The following ATXN7L1 variants were observed in gnomAD, a reference collection of about 807,000 sequenced individuals.
ATXN7L1 encodes the protein ataxin-7-like protein 1.
A neutral mutation model predicts 70.8 loss-of-function variants in ATXN7L1; 15 were observed. The ratio of observed to expected loss-of-function variants is 0.21; its 90% CI spans 0.14 to 0.33. The LOEUF is 0.33. Among genes scored for constraint, ATXN7L1 ranks in the 10% least tolerant of loss-of-function variants. ATXN7L1 has a pLI of 1.00. For synonymous variants in ATXN7L1, 440 were observed against 445.1 expected (o/e 0.99, Z 0.14); for missense variants, 975 against 1,097.1 (o/e 0.89, Z 1.57).
chr7:105,655,907 C>T (rs1474255817), intron 4 of ATXN7L1, among the ~76,000 whole-genome samples: 1 of 152,254 alleles, frequency 6.6e-6, no homozygotes, highest in African/African-American at 2.4e-5. Context: ...GGCCAGGGAG[C>T]CTGCTGATTT....
intron 3 of ATXN7L1, among the ~76,000 whole-genome samples, chr7:105,759,964 G>A (rs1318666146): frequency 6.6e-6 from 1 of 152,070 alleles, no homozygotes; most frequent in African/African-American, 2.4e-5. Context: ...ATCAGCTGGA[G>A]GTCACCAGTG....
chr7:105,863,178 C>T (rs551166656), intron 2 of ATXN7L1, among the ~76,000 whole-genome samples: 3 of 152,348 alleles, frequency 2.0e-5, no homozygotes, highest in South Asian at 4.1e-4. Context: ...TAGATAGACG[C>T]CCCTGGAGTT....
At chr7:105,634,959 T>A (rs1454533389) in intron 7 of ATXN7L1, among the ~76,000 whole-genome samples, 1 of 151,528 alleles carries the variant, frequency 6.6e-6, no homozygotes, top group African/African-American at 2.4e-5. Context: ...TGTGGCAATA[T>A]CACTATCCTA....
intron 3 of ATXN7L1, among the ~76,000 whole-genome samples, chr7:105,739,408 A>G (rs1797768023): frequency 6.6e-6 from 1 of 152,248 alleles, no homozygotes; most frequent in Admixed American, 6.5e-5. Flanking sequence ...CCAGAAGGCC[A>G]GACATTCAGG....
chr7:105,840,408 C>T (rs1450593905), intron 2 of ATXN7L1, among the ~76,000 whole-genome samples: 1 of 152,174 alleles, frequency 6.6e-6, no homozygotes, highest in Non-Finnish European at 1.5e-5. Flanking sequence ...GTGGAGTCCA[C>T]AGGGCTGCAG....
intron 3 of ATXN7L1, among the ~76,000 whole-genome samples, chr7:105,776,352 A>C (rs1802720546): frequency 6.6e-6 from 1 of 152,102 alleles, no homozygotes; most frequent in Non-Finnish European, 1.5e-5. Flanking sequence ...TCAAGCAGCC[A>C]TGTCTTCCAA....
At position 105,847,582 on chromosome 7, in the gene ATXN7L1, T is replaced by G. The variant is rs189468243; in HGVS notation, c.250+28230A>C. 1.7e-3 allele frequency among the ~76,000 whole-genome samples: 261 copies of G among 152,304 alleles called. 1 individual carries two copies. Among genetic ancestry groups the G allele is most frequent in the African/African-American group, 6.2e-3 (257 of 41,554 alleles). On this transcript the variant is annotated intron_variant, in intron 2 of 11. Coordinates refer to ENST00000419735, the MANE Select transcript of ATXN7L1 (RefSeq NM_020725.2). Reference sequence around the variant, plus strand: ...GAAGACCTAAACTGTAAAACTATTGTTTACCCCAAGAACAAGAGCTCAGGA... The same window carrying G: ...GAAGACCTAAACTGTAAAACTATTGGTTACCCCAAGAACAAGAGCTCAGGA...
intron 3 of ATXN7L1, among the ~76,000 whole-genome samples, chr7:105,783,503 T>C (rs558059203): frequency 2.8e-4 from 42 of 152,262 alleles, no homozygotes; most frequent in African/African-American, 1.0e-3. Flanking sequence ...GAAAGACCAA[T>C]TGGAGATTGA....
intron 2 of ATXN7L1, among the ~76,000 whole-genome samples, chr7:105,859,260 G>A (rs1816197051): frequency 1.3e-5 from 2 of 152,090 alleles, no homozygotes; most frequent in Admixed American, 6.5e-5. Context: ...ACATATTTAT[G>A]TATGATGAGG....
At chr7:105,856,904 A>G (rs974611824) in intron 2 of ATXN7L1, among the ~76,000 whole-genome samples, 6 of 152,158 alleles carry the variant, frequency 3.9e-5, no homozygotes, top group African/African-American at 1.4e-4. Context: ...AACACTACCA[A>G]AGAAAACAGA....
At chr7:105,826,251 G>T (rs1810855086) in intron 2 of ATXN7L1, among the ~76,000 whole-genome samples, 1 of 152,172 alleles carries the variant, frequency 6.6e-6, no homozygotes, top group African/African-American at 2.4e-5. Context: ...AGTTTAATAA[G>T]AACACTAGCC....
At chr7:105,691,182 G>A (rs532757433) in intron 3 of ATXN7L1, among the ~76,000 whole-genome samples, 17 of 152,204 alleles carry the variant, frequency 1.1e-4, no homozygotes, top group Non-Finnish European at 2.1e-4. Flanking sequence ...CAAAACAACC[G>A]CTGTAAACTC....
At chr7:105,608,281 G>C (rs1792861561) in intron 11 of ATXN7L1, among the ~76,000 whole-genome samples, 1 of 152,210 alleles carries the variant, frequency 6.6e-6, no homozygotes, top group Non-Finnish European at 1.5e-5. Flanking sequence ...GGATTCTAGT[G>C]TTGGGTTAAA....
intron 3 of ATXN7L1, among the ~76,000 whole-genome samples, chr7:105,705,939 G>A (rs535296371): frequency 6.6e-6 from 1 of 152,208 alleles, no homozygotes; most frequent in South Asian, 2.1e-4. Flanking sequence ...ACCCTTCTTC[G>A]CATATAAAGA....
chr7:105,653,445 C>G (rs1279064129), intron 4 of ATXN7L1, among the ~76,000 whole-genome samples: 1 of 152,174 alleles, frequency 6.6e-6, no homozygotes, highest in Admixed American at 6.5e-5. Context: ...GAGACTCTGT[C>G]TCAAACAAAC....
At chr7:105,731,273 A>T (rs1051057822) in intron 3 of ATXN7L1, among the ~76,000 whole-genome samples, 2 of 152,198 alleles carry the variant, frequency 1.3e-5, no homozygotes, top group Admixed American at 1.3e-4. Flanking sequence ...CAAAGTCAGA[A>T]AGCATCTGAA....
At chr7:105,695,431 G>C (rs934295360) in intron 3 of ATXN7L1, among the ~76,000 whole-genome samples, 1 of 152,146 alleles carries the variant, frequency 6.6e-6, no homozygotes, top group East Asian at 1.9e-4. Context: ...GGGGAGCTTC[G>C]GACATCTGCA....
intron 11 of ATXN7L1, among the ~76,000 whole-genome samples, chr7:105,608,247 T>C (rs1439800616): frequency 6.6e-6 from 1 of 152,184 alleles, no homozygotes; most frequent in Admixed American, 6.5e-5. Flanking sequence ...AACCTATAGA[T>C]GACACTGCAA....
chr7:105,802,738 C>T (rs1447327228), intron 2 of ATXN7L1, among the ~76,000 whole-genome samples: 1 of 152,340 alleles, frequency 6.6e-6, no homozygotes, highest in South Asian at 2.1e-4. Context: ...AACTGCAGCT[C>T]CAGGCCCTTG....
Sources: gnomAD v4.1 joint callset for allele counts (sites outside exome capture counted in the v4.1 genomes callset) on GRCh38, gnomAD v4.1.1 for gene constraint, MANE v1.5 for transcripts, NCBI Gene and HGNC (gene_info 2026-07-23, HGNC 2026-07-21) for gene names.